The following ARMC2 variants were observed in gnomAD, a reference collection of about 807,000 sequenced individuals.
The protein encoded by ARMC2 is armadillo repeat-containing protein 2.
Under a neutral mutation model 90.3 loss-of-function variants are expected in ARMC2, and 67 were observed. The observed-to-expected ratio is 0.74, with a 90% CI of 0.61 to 0.91. The LOEUF (loss-of-function observed/expected upper bound fraction) is 0.91, where lower values mean the gene tolerates loss of function less well. Among genes scored for constraint, ARMC2 ranks in the 40% least tolerant of loss-of-function variants. The probability of loss-of-function intolerance (pLI) is 0.00; values close to 1 mark genes in which losing one functional copy is unlikely to be tolerated. For synonymous variants in ARMC2, 393 were observed against 393.0 expected (o/e 1.00, Z 0.00); for missense variants, 920 against 1,030.9 (o/e 0.89, Z 1.47).
intron 13 of ARMC2, among the ~76,000 whole-genome samples, chr6:108,960,024 G>A (rs1039230345): frequency 6.6e-6 from 1 of 152,114 alleles, no homozygotes; most frequent in African/African-American, 2.4e-5. Context: ...GTTTCACCGT[G>A]TTGCCCAGGC....
chr6:108,928,329 C>A, intron 11 of ARMC2, 96 bp downstream of exon 11: 2 of 1,234,058 alleles, frequency 1.6e-6, no homozygotes, highest in Non-Finnish European at 2.1e-6. Context: ...GCAAGGAATC[C>A]TTTTCCTTCT....
chr6:108,960,250 T>A (rs553927808), intron 13 of ARMC2, among the ~76,000 whole-genome samples: 1 of 152,248 alleles, frequency 6.6e-6, no homozygotes, highest in East Asian at 1.9e-4. Flanking sequence ...CACACCCCCA[T>A]CCAGTCTCTG....
downstream of ARMC2, among the ~76,000 whole-genome samples, chr6:108,975,868 T>C (rs1778975000): frequency 1.3e-5 from 2 of 152,222 alleles, no homozygotes; most frequent in Admixed American, 6.5e-5. Context: ...TTCTTATAAA[T>C]TTGTTTAAGT....
intron 13 of ARMC2, among the ~76,000 whole-genome samples, chr6:108,954,053 G>A (rs547754830): frequency 6.6e-6 from 1 of 152,208 alleles, no homozygotes; most frequent in South Asian, 2.1e-4. Context: ...GCACTTGTGG[G>A]GTAGGGGACA....
chr6:108,850,741 T>C (rs926225567), intron 1 of ARMC2, among the ~76,000 whole-genome samples: 1 of 152,012 alleles, frequency 6.6e-6, no homozygotes, highest in Admixed American at 6.6e-5. Flanking sequence ...AAAAATGGAG[T>C]CTAGTGATTA....
the ARMC2 span, chr6:109,009,458 C>T: frequency 1.1e-5 from 14 of 1,306,422 alleles, no homozygotes; most frequent in Non-Finnish European, 1.4e-5. Flanking sequence ...CGGCCAAGCG[C>T]ATGTCGGCGC....
At chr6:109,010,634 ACT>A in the ARMC2 span, among the ~76,000 whole-genome samples, 2 of 152,200 alleles carry the variant, frequency 1.3e-5, no homozygotes, top group African/African-American at 4.8e-5. Context: ...CAAAATGGTT[ACT>A]TTTTATTTAT....
intron 15 of ARMC2, among the ~76,000 whole-genome samples, chr6:108,962,345 G>A (rs577762923): frequency 2.6e-5 from 4 of 152,264 alleles, no homozygotes; most frequent in African/African-American, 7.2e-5. Context: ...TGGGGTGTGT[G>A]TATGTCTAAT....
At chr6:108,981,574 TTG>T in the ARMC2 span, among the ~76,000 whole-genome samples, 21 of 152,022 alleles carry the variant, frequency 1.4e-4, no homozygotes, top group Non-Finnish European at 2.4e-4. Flanking sequence ...CATACAATAG[TTG>T]TGTGTGTGTG....
chr6:108,958,872 G>T lies in ARMC2; in HGVS notation c.1916-2700G>T, dbSNP rs545392394. Among the ~76,000 whole-genome samples, 7 of 152,320 alleles carry T rather than the reference G, an allele frequency of 4.6e-5. No individual in the cohort carries two copies. The South Asian group carries it at 1.5e-3, about 32-fold the overall frequency. On this transcript the variant is annotated intron_variant, in intron 13 of 17. Transcript: ENST00000392644. ...TTACTTTACCATCAAGGAAACTGAGGCCCAAGGAGGTTAAATAATTTGAGT... is the reference window on the plus strand; with the variant it reads ...TTACTTTACCATCAAGGAAACTGAGTCCCAAGGAGGTTAAATAATTTGAGT...
intron 6 of ARMC2, among the ~76,000 whole-genome samples, chr6:108,895,226 A>G (rs6914082): frequency 0.94 from 142,220 of 150,834 alleles, 67,449 homozygotes; most frequent in Non-Finnish European, 1. Flanking sequence ...ACTTTGGGAG[A>G]CTGAGGCAGG....
At position 108,936,986 on chromosome 6, in the gene ARMC2, A is replaced by C. The variant is rs780903061; in HGVS notation, c.1583A>C (p.Tyr528Ser). ...YALFLNLINK[Y>S]QKKQDLVVRV... ...TTATTTCTGAATCTAATTAACAAATACCAGAAGAAGCAGGTCAGTTCTTCA... is the reference window on the plus strand; with the variant it reads ...TTATTTCTGAATCTAATTAACAAATCCCAGAAGAAGCAGGTCAGTTCTTCA... Residue 528 changes from tyrosine to serine, a missense_variant, in exon 12 of 18, where the codon TAC (tyrosine) becomes TCC (serine). Coordinates refer to ENST00000392644, the MANE Select transcript of ARMC2 (RefSeq NM_032131.6). The C allele has an allele frequency of 6.3e-7, 1 of 1,593,504 alleles. No homozygotes were observed. The highest frequency in any genetic ancestry group is 1.1e-5 in the South Asian group (1 of 87,754).
intron 5 of ARMC2, among the ~76,000 whole-genome samples, chr6:108,883,953 C>T (rs752315494): frequency 6.6e-6 from 1 of 151,780 alleles, no homozygotes; most frequent in Non-Finnish European, 1.5e-5. Flanking sequence ...GTGGTGGGAT[C>T]CTGGATAATT....
the ARMC2 span, among the ~76,000 whole-genome samples, chr6:109,025,074 T>G: frequency 1.3e-5 from 2 of 151,956 alleles, no homozygotes; most frequent in African/African-American, 4.8e-5. Flanking sequence ...AGGCAAATCC[T>G]AGGACTTGGG....
At chr6:109,006,235 A>T in the ARMC2 span, among the ~76,000 whole-genome samples, 1 of 152,192 alleles carries the variant, frequency 6.6e-6, no homozygotes, top group Non-Finnish European at 1.5e-5. Flanking sequence ...TCCTTACCTT[A>T]ATCTATGAAG....
downstream of ARMC2, among the ~76,000 whole-genome samples, chr6:108,976,875 T>C (rs1778992921): frequency 6.6e-6 from 1 of 152,248 alleles, no homozygotes; most frequent in Admixed American, 6.5e-5. Flanking sequence ...TTTGCTGAAA[T>C]TGCTCATCAG....
At chr6:108,918,337 C>T (rs1774196471) in intron 10 of ARMC2, among the ~76,000 whole-genome samples, 1 of 152,114 alleles carries the variant, frequency 6.6e-6, no homozygotes, top group Admixed American at 6.5e-5. Context: ...GATCCCACCA[C>T]TTTGTTTGGA....
At position 108,964,274 on chromosome 6, in the gene ARMC2, C is replaced by T. The variant is rs1451055367; in HGVS notation, c.2247C>T (p.Asp749=). 6 of 1,613,842 alleles carry T rather than the reference C, an allele frequency of 3.7e-6. No homozygotes were observed. Among genetic ancestry groups the T allele is most frequent in the South Asian group, 1.1e-5 (1 of 91,076 alleles). Reference sequence around the variant, plus strand: ...TCCTCAATCTCACTGTGGATAAAGACAAGCGTGTCATCTTGAAAGAAGGAG... The same window carrying T: ...TCCTCAATCTCACTGTGGATAAAGATAAGCGTGTCATCTTGAAAGAAGGAG... ...GVLLNLTVDK[D]KRVILKEGGG... is the part of the protein sequence containing the mutation. Residue 749 remains aspartate, a synonymous_variant, in exon 16 of 18, where the codon GAC becomes GAT. Transcript: ENST00000392644.
At chr6:108,909,738 G>A (rs1231580580) in intron 8 of ARMC2, among the ~76,000 whole-genome samples, 7 of 152,034 alleles carry the variant, frequency 4.6e-5, no homozygotes, top group South Asian at 2.1e-4. Flanking sequence ...GTTTCACCAC[G>A]TTGGTCAGGC....
Sources: gnomAD v4.1 joint callset for allele counts (sites outside exome capture counted in the v4.1 genomes callset) on GRCh38, gnomAD v4.1.1 for gene constraint, MANE v1.5 for transcripts, NCBI Gene and HGNC (gene_info 2026-07-23, HGNC 2026-07-21) for gene names.